OARD1: variants seen among roughly 807,000 people sequenced by gnomAD.
The protein encoded by OARD1 is ADP-ribose glycohydrolase OARD1.
A neutral mutation model predicts 19.7 loss-of-function variants in OARD1; 19 were observed. That is an observed-to-expected ratio of 0.96 (90% CI 0.67 to 1.41). The LOEUF is 1.41. Ranked by LOEUF, OARD1 falls within the 40% of genes most tolerant of loss-of-function variation. The pLI is 0.00. For synonymous variants in OARD1, 70 were observed against 61.8 expected, an observed-to-expected ratio of 1.13 and a Z score of -0.62; for missense variants, 190 against 183.8, an observed-to-expected ratio of 1.03 and a Z score of -0.20.
chr6:41,071,937 A>C (rs560225399), intron 1 of OARD1: 206 of 413,286 alleles, frequency 5.0e-4, no homozygotes, highest in African/African-American at 3.8e-3. Context: ...CCCATCCCTA[A>C]GACACGCCTC....
rs551528335 is a variant in OARD1 at position 41,096,362 on chromosome 6, T to C, written c.-42+1351A>G. ...TGTATGAATGTGGGCCTGACAGCTA[T>C]TGTGGCAGGAGGGCATTGTGCCAGG... On this transcript the variant is annotated intron_variant, in intron 1 of 4. Transcript: ENST00000480585. Among the ~76,000 whole-genome samples the C allele has an allele frequency of 2.0e-5, 3 of 152,346 alleles. No individual in the cohort carries two copies. The South Asian group carries it at 6.2e-4, about 32-fold the overall frequency.
chr6:41,081,943 T>G (rs1329859272), intron 1 of OARD1, among the ~76,000 whole-genome samples: 1 of 152,230 alleles, frequency 6.6e-6, no homozygotes, highest in Non-Finnish European at 1.5e-5. Context: ...GGCCAGTTCC[T>G]ATAAAACACA....
chr6:41,071,851 T>A lies in OARD1; in HGVS notation c.-41-176A>T, dbSNP rs1238549640. 5.5e-6 allele frequency: 3 copies of A among 544,048 alleles called. No homozygotes were observed. The African/African-American group carries it at 5.7e-5, about 10-fold the overall frequency. 33.7% of individuals were successfully genotyped at this position (544,048 alleles called of 1,614,324 possible). On this transcript the variant is annotated intron_variant, in intron 1 of 5. Coordinates refer to ENST00000424266, the MANE Select transcript of OARD1 (RefSeq NM_001329686.2). ...TTCTGGGGCAAAGAGGAAGAACGCT[T>A]AGGTTCGGAGGCTGTCTCGACCCGC...
Position 41,071,566 on chromosome 6 carries a change from T to C in OARD1, c.39+30A>G. On this transcript the variant is annotated intron_variant, in intron 2 of 5. Coordinates refer to ENST00000424266, the MANE Select transcript of OARD1 (RefSeq NM_001329686.2). ...TGACCTCCATTATTACGAATTTCAG[T>C]TCACCAATAAGTCAATAGTTGTTAC... 3 of 1,584,112 alleles carry C rather than the reference T, an allele frequency of 1.9e-6. No homozygotes were observed. The South Asian group carries it at 3.3e-5, about 18-fold the overall frequency.
At chr6:41,093,232 G>T (rs1407511186) in intron 1 of OARD1, 3 of 682,942 alleles carry the variant, frequency 4.4e-6, no homozygotes, top group South Asian at 4.9e-5. Context: ...GTTAGCATTT[G>T]TTATTACTAA....
chr6:41,094,578 C>G (rs1198425425), intron 1 of OARD1: 2 of 1,013,540 alleles, frequency 2.0e-6, no homozygotes, highest in South Asian at 2.7e-5. Context: ...TGTCCTCTTG[C>G]TATTTTCCTA....
intron 1 of OARD1, chr6:41,080,764 C>T (rs1436612766): frequency 1.3e-6 from 2 of 1,500,054 alleles, no homozygotes; most frequent in African/African-American, 1.4e-5. Flanking sequence ...TTGAACTACA[C>T]ATTTCCTTCC....
intron 1 of OARD1, among the ~76,000 whole-genome samples, chr6:41,090,904 A>G (rs1764183037): frequency 6.6e-6 from 1 of 152,232 alleles, no homozygotes; most frequent in Non-Finnish European, 1.5e-5. Flanking sequence ...AGTTAAATCA[A>G]AAAAGGACAT....
upstream of OARD1, among the ~76,000 whole-genome samples, chr6:41,076,026 C>CT (rs1327374698): frequency 1.8e-4 from 27 of 152,306 alleles, no homozygotes; most frequent in Non-Finnish European, 3.4e-4. Context: ...GTAGTCTAGT[C>CT]TTTCATCAAG....
At chr6:41,086,031 A>C (rs969141405) in intron 1 of OARD1, among the ~76,000 whole-genome samples, 1 of 152,240 alleles carries the variant, frequency 6.6e-6, no homozygotes, top group African/African-American at 2.4e-5. Context: ...CTTTGCATAA[A>C]TATATGAGGC....
chr6:41,092,855 CTG>C, intron 1 of OARD1: 2 of 1,521,378 alleles, frequency 1.3e-6, no homozygotes, highest in South Asian at 1.3e-5. Flanking sequence ...AACCAAGAAA[CTG>C]TTTCTATGTC....
chr6:41,078,944 A>G (rs1763829615), intron 1 of OARD1: 1 of 600,274 alleles, frequency 1.7e-6, no homozygotes, highest in African/African-American at 1.8e-5. Context: ...CAAATAAAGT[A>G]CAGTGATAAA....
intron 1 of OARD1, among the ~76,000 whole-genome samples, chr6:41,093,803 A>G (rs1221748160): frequency 1.3e-5 from 2 of 152,214 alleles, no homozygotes; most frequent in African/African-American, 2.4e-5. Flanking sequence ...ACTTTGAAGA[A>G]GTTGTGTACC....
chr6:41,087,346 G>A (rs1764076221), intron 1 of OARD1, among the ~76,000 whole-genome samples: 1 of 152,086 alleles, frequency 6.6e-6, no homozygotes, highest in Non-Finnish European at 1.5e-5. Context: ...CCATTGACCT[G>A]TTTTTTTCAC....
intron 1 of OARD1, among the ~76,000 whole-genome samples, chr6:41,087,208 C>G (rs1764072971): frequency 6.6e-6 from 1 of 152,174 alleles, no homozygotes; most frequent in South Asian, 2.1e-4. Context: ...AATTTGTTTA[C>G]TTATTTATTT....
At chr6:41,083,033 T>C (rs1336464131) in intron 1 of OARD1, among the ~76,000 whole-genome samples, 1 of 152,218 alleles carries the variant, frequency 6.6e-6, no homozygotes, top group Non-Finnish European at 1.5e-5. Context: ...GCACATACTT[T>C]CATTAAGTGT....
chr6:41,082,037 G>A (rs1763924501), intron 1 of OARD1, among the ~76,000 whole-genome samples: 1 of 152,158 alleles, frequency 6.6e-6, no homozygotes, highest in South Asian at 2.1e-4. Flanking sequence ...CAAGATTTGG[G>A]TACCCTACTT....
chr6:41,068,012 G>A lies in OARD1; in HGVS notation c.357-575C>T, dbSNP rs189394556. Among the ~76,000 whole-genome samples the A allele has an allele frequency of 3.9e-3, 590 of 151,990 alleles. 17 individuals are homozygous for A. The highest frequency in any genetic ancestry group is 0.033 in the Admixed American group (505 of 15,260). On this transcript the variant is annotated intron_variant, in intron 5 of 5. Transcript: ENST00000424266. ...ATGTTACTCTAGTGATCCTCAACAC[G>A]CCTAGGGAAAAAAGAGACCTAAAAT...
chr6:41,070,533 TAC>T, intron 3 of OARD1, among the ~76,000 whole-genome samples: 1 of 152,224 alleles, frequency 6.6e-6, no homozygotes, highest in Non-Finnish European at 1.5e-5. Flanking sequence ...TTATGAGGAA[TAC>T]AGATATATAA....
Sources: allele counts gnomAD v4.1 joint callset (sites outside exome capture counted in the v4.1 genomes callset), GRCh38; gene constraint gnomAD v4.1.1; transcripts MANE v1.5; gene names NCBI Gene and HGNC (gene_info 2026-07-23, HGNC 2026-07-21).